Variants in ELMO1 observed in about 807,000 individuals in gnomAD.
ELMO1 encodes engulfment and cell motility protein 1.
ELMO1 carries 26 observed loss-of-function variants against 98.9 expected under a neutral mutation model. The ratio of observed to expected loss-of-function variants is 0.26; its 90% CI spans 0.19 to 0.36. The LOEUF is 0.36. ELMO1 is among the 10% of genes least tolerant of loss of function. The pLI is 1.00. For synonymous variants in ELMO1, 346 were observed against 346.0 expected, an observed-to-expected ratio of 1.00 and a Z score of 0.00; for missense variants, 627 against 935.2, an observed-to-expected ratio of 0.67 and a Z score of 4.30.
At chr7:37,016,671 C>T (rs769481231) in intron 15 of ELMO1, among the ~76,000 whole-genome samples, 1 of 152,228 alleles carries the variant, frequency 6.6e-6, no homozygotes, top group South Asian at 2.1e-4. Flanking sequence ...CATGAGATAG[C>T]AGTACCAAGG....
chr7:36,993,376 A>G (rs1175118549), intron 16 of ELMO1, among the ~76,000 whole-genome samples: 1 of 152,224 alleles, frequency 6.6e-6, no homozygotes, highest in Non-Finnish European at 1.5e-5. Flanking sequence ...ACCTCTCTAA[A>G]CAAACCAACT....
intron 16 of ELMO1, among the ~76,000 whole-genome samples, chr7:36,914,085 G>A (rs1784522596): frequency 6.6e-6 from 1 of 152,194 alleles, no homozygotes; most frequent in Non-Finnish European, 1.5e-5. Flanking sequence ...AAGCTATCTT[G>A]AAAGGAGAGC....
intron 5 of ELMO1, among the ~76,000 whole-genome samples, chr7:37,267,046 C>T (rs1439288504): frequency 0.048 from 3,148 of 65,190 alleles, 337 homozygotes; most frequent in South Asian, 0.13. Context: ...TATACACACA[C>T]ACACACACAC....
chr7:36,942,752 T>C (rs1787152351), intron 16 of ELMO1, among the ~76,000 whole-genome samples: 1 of 152,162 alleles, frequency 6.6e-6, no homozygotes, highest in Non-Finnish European at 1.5e-5. Flanking sequence ...GCATGCTAAT[T>C]AGATTTAGTG....
intron 16 of ELMO1, among the ~76,000 whole-genome samples, chr7:36,934,296 C>T (rs76155650): frequency 6.6e-6 from 1 of 152,292 alleles, no homozygotes; most frequent in South Asian, 2.1e-4. Flanking sequence ...AAGGCTCAGG[C>T]AAGACAGCAG....
intron 10 of ELMO1, among the ~76,000 whole-genome samples, chr7:37,222,033 T>C (rs970577164): frequency 9.2e-5 from 14 of 152,058 alleles, no homozygotes; most frequent in Non-Finnish European, 7.4e-5. Context: ...TGGCTCCAAT[T>C]TCCCAGCCAC....
At chr7:37,387,960 T>C (rs1457644859) in intron 1 of ELMO1, among the ~76,000 whole-genome samples, 1 of 152,014 alleles carries the variant, frequency 6.6e-6, no homozygotes, top group Non-Finnish European at 1.5e-5. Flanking sequence ...GCCTCCCAAG[T>C]AGCTGGGACT....
intron 4 of ELMO1, among the ~76,000 whole-genome samples, chr7:37,301,333 GAA>G (rs3054217): frequency 0.87 from 130,504 of 150,620 alleles, 57,256 homozygotes; most frequent in Non-Finnish European, 0.94. Flanking sequence ...GAATATATCA[GAA>G]AAAAAAAAAA....
intron 1 of ELMO1, among the ~76,000 whole-genome samples, chr7:37,359,435 T>C (rs1171711771): frequency 6.6e-6 from 1 of 152,196 alleles, no homozygotes; most frequent in African/African-American, 2.4e-5. Flanking sequence ...ATGTCAACAA[T>C]TTCTTAGGAT....
chr7:37,448,493 G>C (rs1210366987), intron 1 of ELMO1, among the ~76,000 whole-genome samples, 182 bp downstream of exon 1: 1 of 151,658 alleles, frequency 6.6e-6, no homozygotes, highest in East Asian at 2.0e-4. Flanking sequence ...TCACCCTGCC[G>C]AGCGCGGCGG....
chr7:36,859,019 T>C (rs1399679117), intron 21 of ELMO1, among the ~76,000 whole-genome samples: 1 of 152,204 alleles, frequency 6.6e-6, no homozygotes, highest in East Asian at 1.9e-4. Context: ...GTCTAGACTA[T>C]TAACATTACA....
At chr7:37,033,516 C>A in intron 15 of ELMO1, 1 of 405,792 alleles carries the variant, frequency 2.5e-6, no homozygotes, top group Non-Finnish European at 4.9e-6. Flanking sequence ...ATACACCAAA[C>A]AGACACTGGA....
chr7:37,344,031 G>A (rs1800858458), intron 1 of ELMO1, among the ~76,000 whole-genome samples: 2 of 84,070 alleles, frequency 2.4e-5, no homozygotes, highest in African/African-American at 1.0e-4. Flanking sequence ...ATAAAAGGCA[G>A]CATTTTTTTT....
chr7:36,925,827 G>A (rs1036718778), intron 16 of ELMO1, among the ~76,000 whole-genome samples: 9 of 152,164 alleles, frequency 5.9e-5, no homozygotes, highest in Non-Finnish European at 1.0e-4. Flanking sequence ...CTGCCAGGCT[G>A]CAGCAGAAAT....
At chr7:36,877,893 TA>T in intron 19 of ELMO1, 116 bp downstream of exon 19, 1 of 756,104 alleles carries the variant, frequency 1.3e-6, no homozygotes, top group Non-Finnish European at 2.2e-6. Context: ...GACTTACAAC[TA>T]GATGAGATGT....
intron 16 of ELMO1, among the ~76,000 whole-genome samples, chr7:36,934,222 C>A (rs1786302966): frequency 6.6e-6 from 1 of 152,168 alleles, no homozygotes. Flanking sequence ...ACATGCCTGG[C>A]CAATTTAACT....
chr7:37,191,514 A>C (rs1219583116), intron 13 of ELMO1, among the ~76,000 whole-genome samples: 1 of 152,226 alleles, frequency 6.6e-6, no homozygotes, highest in Non-Finnish European at 1.5e-5. Flanking sequence ...ATAATCCTCA[A>C]TGTGGACAAA....
At chr7:37,087,287 T>A (rs937809860) in intron 15 of ELMO1, among the ~76,000 whole-genome samples, 1 of 152,192 alleles carries the variant, frequency 6.6e-6, no homozygotes, top group Non-Finnish European at 1.5e-5. Context: ...CTACCTCTAA[T>A]GTGTTTGTAA....
At chr7:37,324,953 A>G (rs1799718312) in intron 2 of ELMO1, among the ~76,000 whole-genome samples, 2 of 152,256 alleles carry the variant, frequency 1.3e-5, no homozygotes, top group Admixed American at 6.5e-5. Context: ...TACTTCTCTC[A>G]GTGCTTCTGT....
Sources: allele counts gnomAD v4.1 joint callset (sites outside exome capture counted in the v4.1 genomes callset), GRCh38; gene constraint gnomAD v4.1.1; transcripts MANE v1.5; gene names NCBI Gene and HGNC (gene_info 2026-07-23, HGNC 2026-07-21).